Variants in IGSF10 observed in about 807,000 individuals in gnomAD.
IGSF10 encodes calvaria mechanical force protein 608.
Under a neutral mutation model 128.2 loss-of-function variants are expected in IGSF10, and 126 were observed. The ratio of observed to expected loss-of-function variants is 0.98; its 90% CI spans 0.85 to 1.14. The LOEUF (loss-of-function observed/expected upper bound fraction) is 1.14, where lower values mean the gene tolerates loss of function less well. Among genes scored for constraint, IGSF10 ranks in the 50% most tolerant of loss-of-function variants. The pLI, the probability that IGSF10 is intolerant of heterozygous loss-of-function variation, is 0.00. For missense variants in IGSF10, 3,295 were observed against 3,149.8 expected (o/e 1.05, Z -1.10); for synonymous variants, 1,185 against 1,146.2 (o/e 1.03, Z -0.68).
chr3:151,453,246 A>G, intron 5 of IGSF10, 138 bp downstream of exon 5: 1 of 715,102 alleles, frequency 1.4e-6, no homozygotes, highest in Non-Finnish European at 2.2e-6. Flanking sequence ...TGATGTGTAA[A>G]TAATTCATTA....
chr3:151,512,530 C>A, the IGSF10 span, among the ~76,000 whole-genome samples: 1 of 152,000 alleles, frequency 6.6e-6, no homozygotes, highest in African/African-American at 2.4e-5. Context: ...AAAATTGACA[C>A]CCTAACATCA....
Position 151,437,706 on chromosome 3 carries a change from G to C in IGSF10, c.6855C>G (p.Tyr2285Ter). The C allele has an allele frequency of 6.2e-7, 1 of 1,614,136 alleles. No individual in the cohort carries two copies. The stretch of plus-strand genomic sequence containing the variant: ...TATGGACTGTGATTCTGCTTCCATA[G>C]TATGGGGCTGTGAGGAAAATATTGT... Reference protein sequence around the residue: ...MPDNIFLTAPYYGSRITVHKN... With the variant: ...MPDNIFLTAP The change falls in exon 8 of 8, where the codon TAC becomes TAG. Residue 2285 changes from tyrosine to a stop codon, truncating the protein, a stop_gained. Coordinates refer to ENST00000282466, the MANE Select transcript of IGSF10 (RefSeq NM_178822.5). LOFTEE classifies it low-confidence loss of function (END_TRUNC).
Position 151,458,299 on chromosome 3 carries a change from G to C in IGSF10, c.194+217C>G, listed in dbSNP as rs1309868323. Among the ~76,000 whole-genome samples the C allele has an allele frequency of 2.0e-5, 3 of 151,892 alleles. No homozygotes were observed. The East Asian group carries it at 5.8e-4, about 29-fold the overall frequency. On this transcript the variant is annotated intron_variant, in intron 3 of 7. Transcript: ENST00000282466. ...CATGAGTCTCCCAACCTACCAAGAGGGACTTCAAATTCTAGAAGAACTTTC... is the reference window on the plus strand; with the variant it reads ...CATGAGTCTCCCAACCTACCAAGAGCGACTTCAAATTCTAGAAGAACTTTC...
the IGSF10 span, among the ~76,000 whole-genome samples, chr3:151,564,094 T>C: frequency 2.0e-5 from 3 of 152,198 alleles, no homozygotes; most frequent in Admixed American, 2.0e-4. Flanking sequence ...TTCTGTTTCA[T>C]AGAAGATGAT....
At chr3:151,619,661 T>C in the IGSF10 span, among the ~76,000 whole-genome samples, 10 of 152,196 alleles carry the variant, frequency 6.6e-5, no homozygotes, top group African/African-American at 2.4e-4. Context: ...AAATGTATCC[T>C]GGAAAAGCTT....
At chr3:151,458,778 C>A in intron 2 of IGSF10, 68 bp from the exon 3 acceptor site, 1 of 1,333,870 alleles carries the variant, frequency 7.5e-7, no homozygotes, top group Non-Finnish European at 1.0e-6. Context: ...ACCACACACT[C>A]ACTCTGGGAA....
In IGSF10 at chr3:151,436,650, T is replaced by G; in HGVS notation, c.*39A>C. ...CTTTGATTAAACTTCTTCCAAAAAA[T>G]AAATTCTGCCCAGATGTTGTTGACT... On this transcript the variant is annotated 3_prime_UTR_variant, in exon 8 of 8. Coordinates refer to ENST00000282466, the MANE Select transcript of IGSF10 (RefSeq NM_178822.5). 6.2e-6 allele frequency: 9 copies of G among 1,442,140 alleles called. No homozygotes were observed. The highest frequency in any genetic ancestry group is 8.5e-6 in the Non-Finnish European group (9 of 1,062,264). The allele number at this position is 1,442,140 out of a possible 1,614,324, so 89.3% of individuals were successfully genotyped here.
At position 151,448,093 on chromosome 3, in the gene IGSF10, A is replaced by G. The variant is rs1311705753; in HGVS notation, c.1888T>C (p.Leu630=). ...TTCGGGGTGACCTGTAATATTCTTA[A>G]TGTGCCATTGTTTAGAACTTTCTTG... ...RDKKVLNNGT[L]RILQVTPKDQ... is the part of the protein sequence containing the mutation. The change falls in exon 6 of 8, where the codon TTA becomes CTA. Residue 630 remains leucine (L), a synonymous_variant. Coordinates refer to ENST00000282466, the MANE Select transcript of IGSF10 (RefSeq NM_178822.5). The G allele has an allele frequency of 6.2e-7, 1 of 1,614,048 alleles. No homozygotes were observed. Among genetic ancestry groups the G allele is most frequent in the Non-Finnish European group, 8.5e-7 (1 of 1,180,044 alleles).
rs760700100 is a variant in IGSF10 at position 151,448,127 on chromosome 3, T to A, written c.1854A>T (p.Ser618=). 7.4e-6 allele frequency: 12 copies of A among 1,614,068 alleles called. No individual in the cohort carries two copies. The highest frequency in any genetic ancestry group is 5.0e-5 in the Admixed American group (3 of 60,006). The part of the protein sequence containing the change: ...VIPGNNVLYQ[S]SRDKKVLNNG... ...TGTTTAGAACTTTCTTGTCTCTTGA[T>A]GACTGATAGAGCACATTGTTTCCTG... Residue 618 remains serine (S), a synonymous_variant, in exon 6 of 8, where the codon TCA becomes TCT. Transcript: ENST00000282466.
upstream of IGSF10, among the ~76,000 whole-genome samples, chr3:151,463,169 C>T (rs546215092): frequency 3.3e-5 from 5 of 152,302 alleles, no homozygotes; most frequent in South Asian, 1.0e-3. Context: ...AGATAAATCT[C>T]TACAATTGCT....
rs1181950151 is a variant in IGSF10, at chr3:151,445,575, C to T, written c.4406G>A (p.Ser1469Asn). 6 of 1,614,032 alleles carry T rather than the reference C, an allele frequency of 3.7e-6. No homozygotes were observed. Among genetic ancestry groups the T allele is most frequent in the Middle Eastern group, 1.6e-4 (1 of 6,062 alleles). Reference protein sequence around the residue: ...HSTIPPFLSSSATLMPVPISP... With the variant: ...HSTIPPFLSSNATLMPVPISP... ...GATGGGAACTGGCATTAGAGTAGCACTGCTGCTCAAGAATGGTGGTATGGT... is the reference window on the plus strand; with the variant it reads ...GATGGGAACTGGCATTAGAGTAGCATTGCTGCTCAAGAATGGTGGTATGGT... Residue 1469 changes from serine to asparagine, a missense_variant, in exon 6 of 8, where the codon AGT becomes AAT. Coordinates refer to ENST00000282466, the MANE Select transcript of IGSF10 (RefSeq NM_178822.5).
chr3:151,577,515 T>A, the IGSF10 span, among the ~76,000 whole-genome samples: 1 of 152,216 alleles, frequency 6.6e-6, no homozygotes, highest in Non-Finnish European at 1.5e-5. Flanking sequence ...TAATTATGAC[T>A]TATCTGTACT....
the IGSF10 span, among the ~76,000 whole-genome samples, chr3:151,540,864 C>A: frequency 3.9e-5 from 6 of 152,200 alleles, no homozygotes; most frequent in South Asian, 2.1e-4. Context: ...GCAAAAGGAA[C>A]TTTCAGAGCC....
At chr3:151,561,234 A>G in the IGSF10 span, among the ~76,000 whole-genome samples, 4,799 of 152,216 alleles carry the variant, frequency 0.032, 75 homozygotes, top group South Asian at 0.082. Flanking sequence ...GTTTTTGATA[A>G]TTTTTTCTTT....
At chr3:151,470,714 C>T in the IGSF10 span, among the ~76,000 whole-genome samples, 2 of 151,788 alleles carry the variant, frequency 1.3e-5, no homozygotes, top group Non-Finnish European at 2.9e-5. Flanking sequence ...TGCAATTATA[C>T]CCAGTCACTA....
chr3:151,503,467 TA>T, the IGSF10 span, among the ~76,000 whole-genome samples: 2 of 152,066 alleles, frequency 1.3e-5, no homozygotes, highest in Admixed American at 6.6e-5. Flanking sequence ...AATATACTTA[TA>T]TACAATAAAA....
chr3:151,613,619 C>T, the IGSF10 span, among the ~76,000 whole-genome samples: 1 of 152,026 alleles, frequency 6.6e-6, no homozygotes, highest in African/African-American at 2.4e-5. Flanking sequence ...ACTGGCTAGC[C>T]ATATGTAGAA....
At chr3:151,557,249 T>C in the IGSF10 span, among the ~76,000 whole-genome samples, 38 of 152,254 alleles carry the variant, frequency 2.5e-4, no homozygotes, top group African/African-American at 8.4e-4. Context: ...TTCCTCTTCA[T>C]AGGAGAGCTG....
At chr3:151,590,332 G>A in the IGSF10 span, among the ~76,000 whole-genome samples, 2 of 151,996 alleles carry the variant, frequency 1.3e-5, no homozygotes, top group African/African-American at 4.8e-5. Context: ...GAGCCACCGT[G>A]CCCAGCCAAG....
Sources: allele counts gnomAD v4.1 joint callset (sites outside exome capture counted in the v4.1 genomes callset), GRCh38; gene constraint gnomAD v4.1.1; transcripts MANE v1.5; gene names NCBI Gene and HGNC (gene_info 2026-07-23, HGNC 2026-07-21).